CSMD2: variants seen among roughly 807,000 people sequenced by gnomAD.
CSMD2 encodes the protein CUB and Sushi multiple domains 2.
CSMD2 carries 130 observed loss-of-function variants against 398.5 expected under a neutral mutation model. That is an observed-to-expected ratio of 0.33 (90% CI 0.28 to 0.38). CSMD2 has a LOEUF of 0.38. Ranked by LOEUF, CSMD2 falls within the 10% of genes least tolerant of loss-of-function variation. The pLI is 1.00. For synonymous variants in CSMD2, 1,828 were observed against 1,908.5 expected (o/e 0.96, Z 1.10); for missense variants, 3,829 against 4,764.9 (o/e 0.80, Z 5.78).
At chr1:33,646,911 A>C in intron 28 of CSMD2, 76 bp from the exon 29 acceptor site, 1 of 1,433,446 alleles carries the variant, frequency 7.0e-7, no homozygotes, top group Non-Finnish European at 9.4e-7. Context: ...AGGCTCAACC[A>C]AAGCATAGGG....
intron 6 of CSMD2, among the ~76,000 whole-genome samples, chr1:33,831,936 G>A (rs182315192): frequency 3.1e-4 from 47 of 152,058 alleles, no homozygotes; most frequent in African/African-American, 1.1e-3. Flanking sequence ...TAATGGTAAA[G>A]GGATCAATTC....
chr1:33,783,368 G>A (rs1653040400), intron 12 of CSMD2, among the ~76,000 whole-genome samples: 2 of 151,648 alleles, frequency 1.3e-5, no homozygotes, highest in Admixed American at 1.3e-4. Flanking sequence ...AGGTCATAAG[G>A]GCAGGGCCCC....
intron 25 of CSMD2, among the ~76,000 whole-genome samples, chr1:33,670,890 C>T (rs1018833926): frequency 2.6e-5 from 4 of 152,242 alleles, no homozygotes; most frequent in South Asian, 4.1e-4. Context: ...ACCAGGCCTC[C>T]TGGGAGAGGT....
chr1:33,929,333 T>A (rs1169818305), intron 4 of CSMD2, among the ~76,000 whole-genome samples: 1 of 151,996 alleles, frequency 6.6e-6, no homozygotes, highest in Non-Finnish European at 1.5e-5. Flanking sequence ...GCTCAGCTAG[T>A]ATCCAGAGTG....
At chr1:34,019,282 G>A (rs2148105686) in intron 3 of CSMD2, among the ~76,000 whole-genome samples, 2 of 152,218 alleles carry the variant, frequency 1.3e-5, no homozygotes, top group Middle Eastern at 6.8e-3. Flanking sequence ...TTCCCAGTAT[G>A]ATCTCTAGGG....
intron 3 of CSMD2, 149 bp downstream of exon 3, chr1:34,032,445 A>G (rs900385967): frequency 1.9e-6 from 1 of 527,382 alleles, no homozygotes; most frequent in East Asian, 3.4e-5. Context: ...TAAGTAACTG[A>G]GTTACTGGTT....
At chr1:33,569,334 G>A (rs1260920977) in intron 52 of CSMD2, 40 bp downstream of exon 52, 1 of 1,578,066 alleles carries the variant, frequency 6.3e-7, no homozygotes, top group Non-Finnish European at 8.6e-7. Context: ...CTATCTCAAG[G>A]AGAAAAACTG....
Position 33,540,669 on chromosome 1 carries a change from G to C in CSMD2, c.9487C>G (p.Pro3163Ala). 4 of 1,614,158 alleles carry C rather than the reference G, an allele frequency of 2.5e-6. No individual in the cohort carries two copies. Among genetic ancestry groups the C allele is most frequent in the Non-Finnish European group, 3.4e-6 (4 of 1,180,020 alleles). The stretch of plus-strand genomic sequence containing the variant: ...TCAGACCCCACCACCTTCCCATTGG[G>C]GATGAGCGGAGGTGGCTTGCACATG... Reference protein sequence around the residue: ...ALMCKPPPLIPNGKVVGSDFM... With the variant: ...ALMCKPPPLIANGKVVGSDFM... The change falls in exon 60 of 71, where the codon CCC (proline) becomes GCC (alanine). Residue 3163 changes from proline (P) to alanine (A), a missense_variant. Physicochemically the swap from Pro to Ala is conservative, Grantham distance 27 (BLOSUM62 -1). This residue lies in a region of CSMD2 where 917 missense variants were observed against 1,199.5 expected (regional missense o/e 0.76). Transcript: ENST00000373381.
intron 25 of CSMD2, among the ~76,000 whole-genome samples, chr1:33,678,649 T>C (rs1362841748): frequency 6.6e-6 from 1 of 151,966 alleles, no homozygotes; most frequent in Non-Finnish European, 1.5e-5. Context: ...ATAATACTTG[T>C]TTTATCAAAT....
chr1:33,729,813 C>T (rs1646663866), intron 15 of CSMD2, among the ~76,000 whole-genome samples: 2 of 152,168 alleles, frequency 1.3e-5, no homozygotes, highest in African/African-American at 2.4e-5. Context: ...TTTAATGACA[C>T]ATGAGGCCGT....
intron 49 of CSMD2, among the ~76,000 whole-genome samples, chr1:33,576,570 G>A (rs1462383674): frequency 6.6e-6 from 1 of 152,138 alleles, no homozygotes; most frequent in Non-Finnish European, 1.5e-5. Context: ...CAGCCTGGGC[G>A]ACAGAGGGAG....
intron 6 of CSMD2, chr1:33,839,282 G>A (rs1660608419): frequency 6.6e-6 from 1 of 152,176 alleles, no homozygotes. Flanking sequence ...GAAAGTCTTT[G>A]GTCATAATTG....
intron 12 of CSMD2, among the ~76,000 whole-genome samples, chr1:33,778,676 T>C (rs1304108049): frequency 1.3e-5 from 2 of 152,174 alleles, no homozygotes; most frequent in South Asian, 2.1e-4. Flanking sequence ...AGGTATAGCA[T>C]TGCCTGCCCC....
intron 67 of CSMD2, among the ~76,000 whole-genome samples, chr1:33,522,236 C>T (rs7532550): frequency 0.085 from 12,917 of 152,180 alleles, 568 homozygotes; most frequent in Non-Finnish European, 0.098. Context: ...GTCTGCCCTC[C>T]GCAGCTGTCC....
chr1:33,643,478 G>A (rs1337526473), intron 29 of CSMD2, among the ~76,000 whole-genome samples: 1 of 152,238 alleles, frequency 6.6e-6, no homozygotes. Flanking sequence ...TGGGATGAAA[G>A]TGGGTGGATC....
At chr1:34,038,014 A>G (rs1281167971) in intron 2 of CSMD2, among the ~76,000 whole-genome samples, 2 of 152,172 alleles carry the variant, frequency 1.3e-5, no homozygotes, top group African/African-American at 4.8e-5. Flanking sequence ...TGGTAGATAA[A>G]TTCCAGCAGG....
chr1:33,643,926 GA>G (rs1643264791), intron 29 of CSMD2, among the ~76,000 whole-genome samples: 2 of 146,218 alleles, frequency 1.4e-5, no homozygotes, highest in South Asian at 2.2e-4. Context: ...AGGAAGGAAG[GA>G]AGGAAGGAAC....
chr1:33,984,555 T>C (rs779391600), intron 3 of CSMD2, among the ~76,000 whole-genome samples: 15 of 151,682 alleles, frequency 9.9e-5, no homozygotes, highest in Non-Finnish European at 1.5e-4. Flanking sequence ...CTTTGGGAGG[T>C]GGAGGAAGAA....
intron 2 of CSMD2, among the ~76,000 whole-genome samples, chr1:34,033,969 T>C (rs1460047330): frequency 6.6e-6 from 1 of 152,164 alleles, no homozygotes; most frequent in African/African-American, 2.4e-5. Flanking sequence ...TATCAAATTA[T>C]GCAGCAGGCA....
Sources: gnomAD v4.1 joint callset for allele counts (sites outside exome capture counted in the v4.1 genomes callset) on GRCh38, gnomAD v4.1.1 for gene constraint, gnomAD v4.1.1 regional missense constraint, MANE v1.5 for transcripts, NCBI Gene and HGNC (gene_info 2026-07-23, HGNC 2026-07-21) for gene names.